NAT8L: variants seen among roughly 807,000 people sequenced by gnomAD.
NAT8L encodes N-acetylaspartate synthetase.
In NAT8L, 6 loss-of-function variants were observed where a neutral mutation model predicts 21.2. The ratio of observed to expected loss-of-function variants is 0.28; its 90% confidence interval spans 0.16 to 0.56. The LOEUF (loss-of-function observed/expected upper bound fraction) is 0.56. Among genes scored for constraint, NAT8L ranks in the 20% least tolerant of loss-of-function variants. The pLI, the probability that NAT8L is intolerant of heterozygous loss-of-function variation, is 0.93. For missense variants in NAT8L, 331 were observed against 433.3 expected, an observed-to-expected ratio of 0.76 and a Z score of 2.10; for synonymous variants, 239 against 204.9, an observed-to-expected ratio of 1.17 and a Z score of -1.42.
At position 2,059,905 on chromosome 4, in the gene NAT8L, C is replaced by A; in HGVS notation, c.376+18C>A. 1 of 1,259,830 alleles carries A rather than the reference C, an allele frequency of 7.9e-7. No individual in the cohort carries two copies. Among genetic ancestry groups the A allele is most frequent in the South Asian group, 2.0e-5 (1 of 49,330 alleles). 78.0% of individuals were successfully genotyped at this position (1,259,830 alleles called of 1,614,324 possible). On this transcript the variant is annotated intron_variant, in intron 1 of 2. Transcript: ENST00000423729. This position sits in a 1 kb window ranked among gnomAD's most constrained non-coding sequence, Gnocchi z 4.8. The stretch of plus-strand genomic sequence containing the variant: ...GCTGGCGGGTCAGTGCGCCGGGCCC[C>A]CGGCTGCCGCAGTCCCTCGGGCCGG...
At chr4:2,061,274 G>A (rs1729854102) in intron 2 of NAT8L, 112 bp downstream of exon 2, 1 of 1,524,152 alleles carries the variant, frequency 6.6e-7, no homozygotes. Flanking sequence ...GTGGGCCTGA[G>A]CCGGGGCCCC....
chr4:2,060,298 C>T lies in NAT8L; in HGVS notation c.376+411C>T, dbSNP rs1049677682. On this transcript the variant is annotated intron_variant, in intron 1 of 2. Coordinates refer to ENST00000423729, the MANE Select transcript of NAT8L (RefSeq NM_178557.4). This position sits in a 1 kb window ranked among gnomAD's most constrained non-coding sequence, Gnocchi z 4.7. ...ATTTATGAGGGGAAGACAGCCGGCG[C>T]CGCGGGGGGTGCGCGCGCCTGGCAC... Among the ~76,000 whole-genome samples, 3 of 152,286 alleles carry T rather than the reference C, an allele frequency of 2.0e-5. No individual in the cohort carries two copies. The highest frequency in any genetic ancestry group is 2.1e-4 in the South Asian group (1 of 4,832).
chr4:2,064,091 C>G lies in NAT8L; in HGVS notation c.873C>G (p.Arg291=). 6.2e-7 allele frequency: 1 copy of G among 1,602,488 alleles called. No individual in the cohort carries two copies. Among genetic ancestry groups the G allele is most frequent in the Non-Finnish European group, 8.5e-7 (1 of 1,178,262 alleles). ...SLAERLFFQV[R]YHRYRLQLRE... Reference sequence around the variant, plus strand: ...CTGAGCGCCTCTTCTTCCAGGTCCGCTACCACCGCTACCGCCTGCAGCTGC... The same window carrying G: ...CTGAGCGCCTCTTCTTCCAGGTCCGGTACCACCGCTACCGCCTGCAGCTGC... The change falls in exon 3 of 3, where the codon CGC becomes CGG. Residue 291 remains arginine, a synonymous_variant. Transcript: ENST00000423729.
chr4:2,059,727 G>C lies in NAT8L; in HGVS notation c.216G>C (p.Pro72=). Residue 72 remains proline, a synonymous_variant, in exon 1 of 3, where the codon CCG becomes CCC. Transcript: ENST00000423729. This position sits in a 1 kb window ranked among gnomAD's most constrained non-coding sequence, Gnocchi z 4.8. ...QPHGGAGGAG[P]PGGRGVCIRE... is the part of the protein sequence containing the mutation. ...ACGGCGGGGCGGGGGGCGCGGGGCC[G>C]CCGGGGGGGCGCGGCGTGTGCATCC... 8.7e-7 allele frequency: 1 copy of C among 1,154,010 alleles called. No individual in the cohort carries two copies. Among genetic ancestry groups the C allele is most frequent in the Middle Eastern group, 3.6e-4 (1 of 2,752 alleles). 71.5% of individuals were successfully genotyped at this position (1,154,010 alleles called of 1,614,324 possible).
rs1187233248 is a variant in NAT8L, at chr4:2,060,108, G to A, written c.376+221G>A. On this transcript the variant is annotated intron_variant, in intron 1 of 2. Coordinates refer to ENST00000423729, the MANE Select transcript of NAT8L (RefSeq NM_178557.4). This position sits in a 1 kb window ranked among gnomAD's most constrained non-coding sequence, Gnocchi z 4.7. Reference sequence around the variant, plus strand: ...CGGGGAGGGTCCGGGGTCCGCACCTGCGTCCCCGCCGCGCAGCCCCCCACC... The same window carrying A: ...CGGGGAGGGTCCGGGGTCCGCACCTACGTCCCCGCCGCGCAGCCCCCCACC... Among the ~76,000 whole-genome samples, 1 of 151,910 alleles carries A rather than the reference G, an allele frequency of 6.6e-6. No homozygotes were observed. Among genetic ancestry groups the A allele is most frequent in the Admixed American group, 6.5e-5 (1 of 15,270 alleles).
rs2108681621 is a variant in NAT8L, at chr4:2,065,481, G to A, written c.*1354G>A. 6.5e-6 allele frequency: 1 copy of A among 152,730 alleles called. No homozygotes were observed. The highest frequency in any genetic ancestry group is 1.9e-4 in the East Asian group (1 of 5,210). The allele number at this position is 152,730 out of a possible 1,614,324, so 9.5% of individuals were successfully genotyped here. On this transcript the variant is annotated 3_prime_UTR_variant, in exon 3 of 3. Transcript: ENST00000423729. ...GGAGACAGAGGTGGAGGGTGGCACA[G>A]GCTGCACATTCAGCTTAGAAGTGGA... is the stretch of plus-strand genomic sequence containing the variant.
In NAT8L at chr4:2,065,734, T is replaced by G. The variant is rs1044837339; in HGVS notation, c.*1607T>G. 6.6e-6 allele frequency: 1 copy of G among 152,406 alleles called. No individual in the cohort carries two copies. The highest frequency in any genetic ancestry group is 2.4e-5 in the African/African-American group (1 of 41,410). 9.4% of individuals were successfully genotyped at this position (152,406 alleles called of 1,614,324 possible). ...TTTTGTCCTGTTAGCAATTGAGGTG[T>G]GCAGAGCACTGTACAGACCCCACTC... is the stretch of plus-strand genomic sequence containing the variant. On this transcript the variant is annotated 3_prime_UTR_variant, in exon 3 of 3. Coordinates refer to ENST00000423729, the MANE Select transcript of NAT8L (RefSeq NM_178557.4).
In NAT8L at chr4:2,059,949, C is replaced by G; in HGVS notation, c.376+62C>G. 1 of 998,378 alleles carries G rather than the reference C, an allele frequency of 1.0e-6. No homozygotes were observed. The highest frequency in any genetic ancestry group is 1.2e-6 in the Non-Finnish European group (1 of 802,902). The allele number at this position is 998,378 out of a possible 1,614,324, so 61.8% of individuals were successfully genotyped here. A position where few individuals can be genotyped will look rare whatever the true frequency, so the allele number is the denominator to read the frequency against. ...GGGCCGGCGCGGAGCTCCCCCGCCC[C>G]GGCGTCCACGCGGACCCCGCGCCCG... On this transcript the variant is annotated intron_variant, in intron 1 of 2. Coordinates refer to ENST00000423729, the MANE Select transcript of NAT8L (RefSeq NM_178557.4). The surrounding 1 kb of genome is among the most constrained non-coding windows in gnomAD (Gnocchi z 4.8).
Position 2,059,327 on chromosome 4 carries a change from C to A in NAT8L, c.-185C>A, listed in dbSNP as rs1216476196. ...TACTTCTCCAAAATGCGGCGCAGCT[C>A]CCTGCGCGCGCCCCGGCCGCCCGCC... is the stretch of plus-strand genomic sequence containing the variant. On this transcript the variant is annotated 5_prime_UTR_variant, in exon 1 of 3. Coordinates refer to ENST00000423729, the MANE Select transcript of NAT8L (RefSeq NM_178557.4). This position sits in a 1 kb window ranked among gnomAD's most constrained non-coding sequence, Gnocchi z 4.8. Among the ~76,000 whole-genome samples the A allele has an allele frequency of 6.9e-6, 1 of 145,622 alleles. No homozygotes were observed. Among genetic ancestry groups the A allele is most frequent in the Non-Finnish European group, 1.5e-5 (1 of 65,654 alleles).
intron 2 of NAT8L, among the ~76,000 whole-genome samples, chr4:2,063,132 C>G (rs538725668): frequency 6.6e-6 from 1 of 152,400 alleles, no homozygotes; most frequent in Non-Finnish European, 1.5e-5. Context: ...CCAGAGGGGC[C>G]ATCCCCTGTC....
chr4:2,062,142 C>G (rs1729906267), intron 2 of NAT8L, among the ~76,000 whole-genome samples: 1 of 152,214 alleles, frequency 6.6e-6, no homozygotes, highest in South Asian at 2.1e-4. Context: ...CCTGCTCCCT[C>G]TGGGCCGTGG....
Position 2,059,638 on chromosome 4 carries a change from C to CCCGCCGCGCCCGGGCCGG in NAT8L, c.139_156dup (p.Gly47_Pro52dup). 1 of 972,008 alleles carries CCCGCCGCGCCCGGGCCGG rather than the reference C, an allele frequency of 1.0e-6. No homozygotes were observed. Among genetic ancestry groups the CCCGCCGCGCCCGGGCCGG allele is most frequent in the Non-Finnish European group, 1.2e-6 (1 of 820,466 alleles). The allele number at this position is 972,008 out of a possible 1,614,324, so 60.2% of individuals were successfully genotyped here. ...CGCCGGCGCCATGTGGCCCCCGCTG[C>CCCGCCGCGCCCGGGCCGG]CCGCCGCGCCCGGGCCGGCCGCCGC... On this transcript the variant is annotated inframe_insertion, in exon 1 of 3. Coordinates refer to ENST00000423729, the MANE Select transcript of NAT8L (RefSeq NM_178557.4). This position sits in a 1 kb window ranked among gnomAD's most constrained non-coding sequence, Gnocchi z 4.8.
In NAT8L at chr4:2,059,382, CGCCGCCGCCGCCGCT is replaced by C. The variant is rs1276637270; in HGVS notation, c.-115_-101del. The C allele has an allele frequency of 4.4e-5, 8 of 183,080 alleles. No homozygotes were observed. The South Asian group carries it at 4.9e-4, about 11-fold the overall frequency. 11.3% of individuals were successfully genotyped at this position (183,080 alleles called of 1,614,324 possible). ...CCGCCCCGCGCCCCTGAGCTGCCGC[CGCCGCCGCCGCCGCT>C]GCCGCCGCCGCCGCCGCCGCCGCGG... On this transcript the variant is annotated 5_prime_UTR_variant, in exon 1 of 3. Transcript: ENST00000423729. This position sits in a 1 kb window ranked among gnomAD's most constrained non-coding sequence, Gnocchi z 4.8.
Position 2,064,209 on chromosome 4 carries a change from C to T in NAT8L, c.*82C>T. ...CCCGCCGCCCGGCGCGGCCTGCTTTCAGACGCTCAATTGGCGTTTGTGTTG... is the reference window on the plus strand; with the variant it reads ...CCCGCCGCCCGGCGCGGCCTGCTTTTAGACGCTCAATTGGCGTTTGTGTTG... On this transcript the variant is annotated 3_prime_UTR_variant, in exon 3 of 3. Transcript: ENST00000423729. 1 of 1,010,368 alleles carries T rather than the reference C, an allele frequency of 9.9e-7. No homozygotes were observed. Among genetic ancestry groups the T allele is most frequent in the Non-Finnish European group, 1.2e-6 (1 of 806,262 alleles). 62.6% of individuals were successfully genotyped at this position (1,010,368 alleles called of 1,614,324 possible). A position where few individuals can be genotyped will look rare whatever the true frequency, so the allele number is the denominator to read the frequency against.
In NAT8L at chr4:2,064,160, G is replaced by T; in HGVS notation, c.*33G>T. Reference sequence around the variant, plus strand: ...CGCTCGCCCGCCCGCCCCCCCGGCCGCCCTGTCCGCCTTTGCCCGCCTGCC... The same window carrying T: ...CGCTCGCCCGCCCGCCCCCCCGGCCTCCCTGTCCGCCTTTGCCCGCCTGCC... On this transcript the variant is annotated 3_prime_UTR_variant, in exon 3 of 3. Transcript: ENST00000423729. 7.1e-7 allele frequency: 1 copy of T among 1,405,812 alleles called. No homozygotes were observed. Among genetic ancestry groups the T allele is most frequent in the South Asian group, 1.4e-5 (1 of 69,850 alleles). The allele number at this position is 1,405,812 out of a possible 1,614,324, so 87.1% of individuals were successfully genotyped here. A position where few individuals can be genotyped will look rare whatever the true frequency, so the allele number is the denominator to read the frequency against.
rs1729964543 is a variant in NAT8L, at chr4:2,064,750, G to C, written c.*623G>C. On this transcript the variant is annotated 3_prime_UTR_variant, in exon 3 of 3. Transcript: ENST00000423729. ...TCCTGGAGGGCCTGGTCTGCCCCGCGCCGCCCGGCTCTGTCCACACCTGCT... is the reference window on the plus strand; with the variant it reads ...TCCTGGAGGGCCTGGTCTGCCCCGCCCCGCCCGGCTCTGTCCACACCTGCT... 1 of 153,272 alleles carries C rather than the reference G, an allele frequency of 6.5e-6. No homozygotes were observed. Among genetic ancestry groups the C allele is most frequent in the Non-Finnish European group, 1.5e-5 (1 of 68,768 alleles). 9.5% of individuals were successfully genotyped at this position (153,272 alleles called of 1,614,324 possible). A position where few individuals can be genotyped will look rare whatever the true frequency, so the allele number is the denominator to read the frequency against.
At position 2,059,617 on chromosome 4, in the gene NAT8L, G is replaced by A. The variant is rs772871017; in HGVS notation, c.106G>A (p.Gly36Ser). 3.9e-5 allele frequency: 38 copies of A among 977,934 alleles called. No homozygotes were observed. The South Asian group carries it at 1.7e-3, about 43-fold the overall frequency. The allele number at this position is 977,934 out of a possible 1,614,324, so 60.6% of individuals were successfully genotyped here. ...GAAGGACGCGCTGCTCGCCGCCGCC[G>A]GCGCCATGTGGCCCCCGCTGCCCGC... ...AKKDALLAAA[G>S]AMWPPLPAAP... Residue 36 changes from glycine to serine, a missense_variant, in exon 1 of 3, where the codon GGC (glycine) becomes AGC (serine). This residue lies in a region of NAT8L where 199 missense variants were observed against 196.1 expected (regional missense o/e 1.01). Transcript: ENST00000423729. This position sits in a 1 kb window ranked among gnomAD's most constrained non-coding sequence, Gnocchi z 4.8.
chr4:2,061,156 C>A lies in NAT8L; in HGVS notation c.535C>A (p.Pro179Thr). Residue 179 changes from proline (P) to threonine (T), a missense_variant, in exon 2 of 3, where the codon CCG becomes ACG. Transcript: ENST00000423729. Reference sequence around the variant, plus strand: ...GGACATCGAGCAGTACTACATGAAGCCGCCCGGTGAGTCCCGCTCCCGCCG... The same window carrying A: ...GGACATCGAGCAGTACTACATGAAGACGCCCGGTGAGTCCCGCTCCCGCCG... Reference protein sequence around the residue: ...MADIEQYYMKPPGSCFWVAVL... With the variant: ...MADIEQYYMKTPGSCFWVAVL... The A allele has an allele frequency of 6.2e-7, 1 of 1,610,512 alleles. No individual in the cohort carries two copies.
rs1560948945 is a variant in NAT8L at position 2,065,120 on chromosome 4, G to GTCT, written c.*994_*995insCTT. Reference sequence around the variant, plus strand: ...TGACTTTAATTCTTGGGACAAAACGGTAGTTTGTACCCTAAGACACAGTTT... The same window carrying GTCT: ...TGACTTTAATTCTTGGGACAAAACGGTCTTAGTTTGTACCCTAAGACACAGTTT... On this transcript the variant is annotated 3_prime_UTR_variant, in exon 3 of 3. Coordinates refer to ENST00000423729, the MANE Select transcript of NAT8L (RefSeq NM_178557.4). 6.6e-6 allele frequency: 1 copy of GTCT among 152,484 alleles called. No individual in the cohort carries two copies. The highest frequency in any genetic ancestry group is 1.5e-5 in the Non-Finnish European group (1 of 68,068). 9.4% of individuals were successfully genotyped at this position (152,484 alleles called of 1,614,324 possible). A position where few individuals can be genotyped will look rare whatever the true frequency, so the allele number is the denominator to read the frequency against.
Sources: gnomAD v4.1 joint callset for allele counts (sites outside exome capture counted in the v4.1 genomes callset) on GRCh38, gnomAD v4.1.1 for gene constraint, gnomAD v4.1.1 regional missense constraint, Gnocchi (gnomAD v3.1) non-coding constraint, MANE v1.5 for transcripts, NCBI Gene and HGNC (gene_info 2026-07-23, HGNC 2026-07-21) for gene names.